Variants in RS1 observed in about 807,000 individuals in gnomAD.
The protein encoded by RS1 is retinoschisin 1.
In RS1, 2 loss-of-function variants were observed where a neutral mutation model predicts 20.8. That is an observed-to-expected ratio of 0.10 (90% CI 0.04 to 0.30). RS1 has a LOEUF of 0.30. Ranked by LOEUF, RS1 falls within the 10% of genes least tolerant of loss-of-function variation. The pLI is 1.00. For missense variants in RS1, 151 were observed against 189.8 expected, an observed-to-expected ratio of 0.80 and a Z score of 1.20; for synonymous variants, 70 against 75.8, an observed-to-expected ratio of 0.92 and a Z score of 0.40.
chrX:18,665,410 G>T (rs1315032224), intron 1 of RS1, among the ~76,000 whole-genome samples: 1 of 111,524 alleles, frequency 9.0e-6, no homozygotes, highest in African/African-American at 3.3e-5. Flanking sequence ...CATGGAGATA[G>T]ATCTACCTCC....
At chrX:18,646,174 CAG>C in intron 4 of RS1, 3 of 1,180,811 alleles carry the variant, frequency 2.5e-6, no homozygotes, top group East Asian at 3.0e-5. Context: ...CTTTCTGAGA[CAG>C]AGTCTTGCTC....
intron 3 of RS1, among the ~76,000 whole-genome samples, chrX:18,656,034 C>T (rs1928208856): frequency 1.0e-5 from 1 of 98,514 alleles, no homozygotes; most frequent in South Asian, 5.2e-4. Flanking sequence ...GCTCTGTCAC[C>T]CAGGCCAGAG....
At chrX:18,671,951 A>G (rs1362676910) in intron 1 of RS1, 66 bp downstream of exon 1, 1 of 917,539 alleles carries the variant, frequency 1.1e-6, no homozygotes, top group East Asian at 3.1e-5. Flanking sequence ...ATTCCTATTT[A>G]TCAACGATAT....
rs1247449149 is a variant in RS1, at chrX:18,653,424, C to A, written c.184+3229G>T. On this transcript the variant is annotated intron_variant, in intron 3 of 5. Coordinates refer to ENST00000379984, the MANE Select transcript of RS1 (RefSeq NM_000330.4). Reference sequence around the variant, plus strand: ...TGAGTGACCCCGCTGTCCTTCTGTGCTTTCCAGGGTTCTCTTTCTTCGTGA... The same window carrying A: ...TGAGTGACCCCGCTGTCCTTCTGTGATTTCCAGGGTTCTCTTTCTTCGTGA... 47 of 1,208,744 alleles carry A rather than the reference C, an allele frequency of 3.9e-5. No individual in the cohort carries two copies. The highest frequency in any genetic ancestry group is 5.0e-5 in the Non-Finnish European group (45 of 894,853).
intron 1 of RS1, 67 bp from the exon 2 acceptor site, chrX:18,657,732 T>TA (rs1928243187): frequency 3.3e-6 from 3 of 904,481 alleles, no homozygotes; most frequent in Admixed American, 4.4e-5. Context: ...CATCACTCGT[T>TA]ACATGGAAAA....
intron 1 of RS1, among the ~76,000 whole-genome samples, chrX:18,662,773 G>A (rs1461526063): frequency 9.2e-6 from 1 of 108,761 alleles, no homozygotes; most frequent in African/African-American, 3.4e-5. Context: ...GACTACAGGC[G>A]CCCGCCACCA....
At chrX:18,665,263 T>C (rs1271409182) in intron 1 of RS1, among the ~76,000 whole-genome samples, 4 of 112,329 alleles carry the variant, frequency 3.6e-5, no homozygotes, top group Admixed American at 9.4e-5. Flanking sequence ...GCAAACCTGA[T>C]GCCGCCACTC....
chrX:18,652,440 G>A (rs1010332253), intron 3 of RS1, among the ~76,000 whole-genome samples: 4 of 112,114 alleles, frequency 3.6e-5, no homozygotes, highest in Non-Finnish European at 7.5e-5. Context: ...AGGCCGAGGC[G>A]GGAGGATCAC....
At chrX:18,650,995 G>A (rs778903243) in intron 3 of RS1, among the ~76,000 whole-genome samples, 2 of 111,891 alleles carry the variant, frequency 1.8e-5, no homozygotes, top group South Asian at 7.6e-4. Flanking sequence ...CATTGGTGGA[G>A]GTGAATTTGT....
intron 1 of RS1, among the ~76,000 whole-genome samples, chrX:18,662,004 G>A (rs1186584722): frequency 9.0e-6 from 1 of 111,699 alleles, no homozygotes; most frequent in Non-Finnish European, 1.9e-5. Context: ...AGGCCTGGGG[G>A]TGGAGCCCGA....
At chrX:18,651,169 C>G (rs1928015438) in intron 3 of RS1, among the ~76,000 whole-genome samples, 1 of 94,002 alleles carries the variant, frequency 1.1e-5, no homozygotes, top group Non-Finnish European at 2.1e-5. Flanking sequence ...ATGAGGCCAG[C>G]TTCATGTGAC....
chrX:18,664,152 G>A (rs765797671), intron 1 of RS1, among the ~76,000 whole-genome samples: 4 of 112,046 alleles, frequency 3.6e-5, no homozygotes, highest in Non-Finnish European at 5.6e-5. Flanking sequence ...CCCCCAAACT[G>A]GAAATGCTCA....
chrX:18,642,832 G>A (rs1927633863), intron 5 of RS1, among the ~76,000 whole-genome samples: 1 of 110,919 alleles, frequency 9.0e-6, no homozygotes, highest in African/African-American at 3.3e-5. Context: ...TTGAGGTCAG[G>A]AGTTTGAGAC....
chrX:18,656,284 G>T (rs1250840098), intron 3 of RS1, among the ~76,000 whole-genome samples: 1 of 111,828 alleles, frequency 8.9e-6, no homozygotes, highest in African/African-American at 3.2e-5. Flanking sequence ...GGGCCACTGT[G>T]CCCGTCCTCC....
chrX:18,666,781 A>G (rs958458877), intron 1 of RS1, among the ~76,000 whole-genome samples: 1 of 110,278 alleles, frequency 9.1e-6, no homozygotes, highest in Non-Finnish European at 1.9e-5. Flanking sequence ...CTGCGGGCAG[A>G]TTACGCGTGG....
intron 1 of RS1, among the ~76,000 whole-genome samples, chrX:18,671,617 C>T (rs1174367390): frequency 9.0e-6 from 1 of 111,701 alleles, no homozygotes; most frequent in African/African-American, 3.3e-5. Context: ...CCTGTCGTCC[C>T]AACAGAATTA....
rs201856847 is a variant in RS1, at chrX:18,644,396, G to A, written c.522+34C>T. 863 of 1,186,952 alleles carry A rather than the reference G, an allele frequency of 7.3e-4. 2 individuals are homozygous for A. In the African/African-American group the frequency reaches 0.013, roughly 18 times the overall value. On this transcript the variant is annotated intron_variant, in intron 5 of 5. Transcript: ENST00000379984. ...CAGGAGGGGAAGTCCCAGAGGGTGC[G>A]AGCTGAAGTTGGTTTGGGATAAGCC...
intron 3 of RS1, chrX:18,650,340 G>T (rs1927974257): frequency 5.8e-6 from 6 of 1,042,285 alleles, no homozygotes; most frequent in Non-Finnish European, 8.1e-6. Context: ...GGCTTCAGCT[G>T]GTGTCTGGGA....
At chrX:18,665,775 C>T (rs1928395193) in intron 1 of RS1, among the ~76,000 whole-genome samples, 2 of 106,617 alleles carry the variant, frequency 1.9e-5, no homozygotes, top group South Asian at 8.6e-4. Flanking sequence ...ACCTGTGATC[C>T]GAGCTACTTG....
Sources: allele counts gnomAD v4.1 joint callset (sites outside exome capture counted in the v4.1 genomes callset), GRCh38; gene constraint gnomAD v4.1.1; transcripts MANE v1.5; gene names NCBI Gene and HGNC (gene_info 2026-07-23, HGNC 2026-07-21).